Variants in ITGA1 observed in about 807,000 individuals in gnomAD.
ITGA1 encodes integrin subunit alpha 1, also known as integrin alpha-1.
Under a neutral mutation model 145.9 loss-of-function variants are expected in ITGA1, and 85 were observed. That is an observed-to-expected ratio of 0.58 (90% confidence interval 0.49 to 0.70). The LOEUF is 0.70. ITGA1 is among the 30% of genes least tolerant of loss of function. The pLI, the probability that ITGA1 is intolerant of heterozygous loss-of-function variation, is 0.00. For missense variants in ITGA1, 1,351 were observed against 1,418.7 expected (o/e 0.95, Z 0.77); for synonymous variants, 520 against 495.3 (o/e 1.05, Z -0.66).
chr5:52,857,021 T>C (rs922546102), intron 2 of ITGA1, among the ~76,000 whole-genome samples: 12 of 152,180 alleles, frequency 7.9e-5, no homozygotes, highest in African/African-American at 2.9e-4. Flanking sequence ...CCTGATGTTC[T>C]CAGCTTTCAA....
chr5:52,890,712 T>C (rs1264637451), intron 8 of ITGA1, among the ~76,000 whole-genome samples: 6 of 152,248 alleles, frequency 3.9e-5, no homozygotes, highest in African/African-American at 9.6e-5. Context: ...CAGACACTTA[T>C]CATTTCTTTG....
At chr5:52,812,284 GC>G (rs1247076591) in intron 1 of ITGA1, among the ~76,000 whole-genome samples, 2 of 152,148 alleles carry the variant, frequency 1.3e-5, no homozygotes, top group Non-Finnish European at 2.9e-5. Flanking sequence ...ATTTATTGAT[GC>G]CATTTACATG....
chr5:52,844,543 C>T (rs1749305304), intron 1 of ITGA1, among the ~76,000 whole-genome samples: 1 of 152,126 alleles, frequency 6.6e-6, no homozygotes, highest in South Asian at 2.1e-4. Context: ...GCTTTCTTCT[C>T]CTTATTTTCA....
chr5:52,899,641 C>G (rs35404784), intron 11 of ITGA1, among the ~76,000 whole-genome samples: 1 of 151,962 alleles, frequency 6.6e-6, no homozygotes, highest in Non-Finnish European at 1.5e-5. Context: ...AAAGTCAGCT[C>G]CCGAAGCAAT....
At chr5:52,830,840 G>A (rs1324291947) in intron 1 of ITGA1, among the ~76,000 whole-genome samples, 2 of 152,116 alleles carry the variant, frequency 1.3e-5, no homozygotes, top group African/African-American at 2.4e-5. Flanking sequence ...GGCAAACTGG[G>A]ACCTCCCTCA....
At chr5:52,862,218 C>CAAAA (rs11323830) in intron 3 of ITGA1, among the ~76,000 whole-genome samples, 2 of 96,512 alleles carry the variant, frequency 2.1e-5, no homozygotes, top group Non-Finnish European at 4.2e-5. Flanking sequence ...AACTCCATCT[C>CAAAA]AAAAAAAAAA....
At chr5:52,863,751 A>T (rs956814687) in intron 3 of ITGA1, among the ~76,000 whole-genome samples, 24 of 152,336 alleles carry the variant, frequency 1.6e-4, no homozygotes, top group Non-Finnish European at 2.5e-4. Context: ...CAAGTACAGT[A>T]GGGAAGTTTC....
At chr5:52,845,980 G>A (rs750743016) in intron 1 of ITGA1, among the ~76,000 whole-genome samples, 5 of 152,218 alleles carry the variant, frequency 3.3e-5, no homozygotes, top group Non-Finnish European at 7.4e-5. Flanking sequence ...ATCATTGTGC[G>A]AATATCATAG....
intron 14 of ITGA1, among the ~76,000 whole-genome samples, chr5:52,911,575 T>G: frequency 3.4e-5 from 1 of 29,654 alleles, no homozygotes; most frequent in African/African-American, 9.7e-5. Context: ...CTATATATAC[T>G]ATATATATAG....
chr5:52,817,376 G>A (rs895971875), intron 1 of ITGA1, among the ~76,000 whole-genome samples: 1 of 152,102 alleles, frequency 6.6e-6, no homozygotes, highest in African/African-American at 2.4e-5. Context: ...TTAAAATTAT[G>A]AAATCTTTCT....
intron 10 of ITGA1, 58 bp downstream of exon 10, chr5:52,897,586 A>G: frequency 7.8e-7 from 1 of 1,288,552 alleles, no homozygotes; most frequent in South Asian, 1.2e-5. Flanking sequence ...CCCTTCCCAA[A>G]ACCAACATCT....
chr5:52,864,879 G>T, intron 4 of ITGA1, 28 bp downstream of exon 4: 1 of 1,555,404 alleles, frequency 6.4e-7, no homozygotes, highest in Admixed American at 1.7e-5. Context: ...GATATTTATT[G>T]ACAACAGATA....
chr5:52,849,556 GTTTCT>G, intron 2 of ITGA1, 71 bp downstream of exon 2: 2 of 1,287,712 alleles, frequency 1.6e-6, no homozygotes, highest in Non-Finnish European at 2.1e-6. Context: ...TTTGACTACA[GTTTCT>G]TTTATGAATG....
chr5:52,788,564 C>G, intron 1 of ITGA1, 150 bp downstream of exon 1: 1 of 590,134 alleles, frequency 1.7e-6, no homozygotes, highest in Non-Finnish European at 2.7e-6. Context: ...GGCTACGGGG[C>G]AGGCAGGAGT....
At position 52,899,129 on chromosome 5, in the gene ITGA1, T is replaced by C. The variant is rs528411304; in HGVS notation, c.1309+746T>C. 1.1e-4 allele frequency among the ~76,000 whole-genome samples: 17 copies of C among 152,274 alleles called. 2 individuals are homozygous for C. The highest frequency in any genetic ancestry group is 1.1e-3 in the Admixed American group (17 of 15,288). ...ACTCACTCAACAAATATTTGGGGGA[T>C]CCTCTTTTGCCCCAGGCATTGATCT... On this transcript the variant is annotated intron_variant, in intron 11 of 28. Coordinates refer to ENST00000282588, the MANE Select transcript of ITGA1 (RefSeq NM_181501.2).
chr5:52,825,180 T>C lies in ITGA1; in HGVS notation c.62-24185T>C, dbSNP rs570259398. 40 of 152,330 alleles carry C rather than the reference T, an allele frequency of 2.6e-4. No homozygotes were observed. The South Asian group carries it at 3.7e-3, about 14-fold the overall frequency. The allele number at this position is 152,330 out of a possible 1,614,324, so 9.4% of individuals were successfully genotyped here. A position where few individuals can be genotyped will look rare whatever the true frequency, so the allele number is the denominator to read the frequency against. On this transcript the variant is annotated intron_variant, in intron 1 of 28. Coordinates refer to ENST00000282588, the MANE Select transcript of ITGA1 (RefSeq NM_181501.2). ...TTAACATGCCGCTTTAAATAATATT[T>C]CATATAAATGAAATCAGACAATAAA...
In ITGA1 at chr5:52,865,365, C is replaced by A. The variant is rs368492799; in HGVS notation, c.496+283C>A. ...TGAGTCTCTTTGAAGAAAGAAGTAA[C>A]TTCATTTGAGATATGCTCAAAAACT... On this transcript the variant is annotated intron_variant, in intron 5 of 28. Coordinates refer to ENST00000282588, the MANE Select transcript of ITGA1 (RefSeq NM_181501.2). Among the ~76,000 whole-genome samples, 7 of 152,216 alleles carry A rather than the reference C, an allele frequency of 4.6e-5. 1 individual carries two copies. The highest frequency in any genetic ancestry group is 1.3e-4 in the Admixed American group (2 of 15,300).
chr5:52,886,855 T>C (rs1294462596), intron 7 of ITGA1, among the ~76,000 whole-genome samples: 1 of 152,166 alleles, frequency 6.6e-6, no homozygotes, highest in Non-Finnish European at 1.5e-5. Flanking sequence ...CTTGGCTCAC[T>C]GCAAGCTCCG....
intron 11 of ITGA1, chr5:52,903,343 A>G (rs1254446642): frequency 2.0e-5 from 3 of 152,166 alleles, no homozygotes; most frequent in Non-Finnish European, 2.9e-5. Flanking sequence ...CATTTTATGT[A>G]TGTATAAACA....
Sources: allele counts gnomAD v4.1 joint callset (sites outside exome capture counted in the v4.1 genomes callset), GRCh38; gene constraint gnomAD v4.1.1; transcripts MANE v1.5; gene names NCBI Gene and HGNC (gene_info 2026-07-23, HGNC 2026-07-21).